Variants in MYO18A observed in about 807,000 individuals in gnomAD.
The protein encoded by MYO18A is myosin XVIIIA, also known as unconventional myosin-XVIIIa.
In MYO18A, 78 loss-of-function variants were observed where a neutral mutation model predicts 235.8. That is an observed-to-expected ratio of 0.33 (90% CI 0.28 to 0.40). The LOEUF (loss-of-function observed/expected upper bound fraction) is 0.40, where lower values mean the gene tolerates loss of function less well. Among genes scored for constraint, MYO18A ranks in the 10% least tolerant of loss-of-function variants. The pLI is 1.00. For missense variants in MYO18A, 2,215 were observed against 2,699.3 expected, an observed-to-expected ratio of 0.82 and a Z score of 3.98; for synonymous variants, 977 against 1,077.8, an observed-to-expected ratio of 0.91 and a Z score of 1.83.
At chr17:29,100,720 G>A (rs1188995348) in intron 21 of MYO18A, among the ~76,000 whole-genome samples, 1 of 152,224 alleles carries the variant, frequency 6.6e-6, no homozygotes, top group Non-Finnish European at 1.5e-5. Flanking sequence ...ATTCCTTTTT[G>A]TAGGGCAAAG....
At chr17:29,144,596 T>C (rs1383149877) in intron 2 of MYO18A, among the ~76,000 whole-genome samples, 6 of 152,246 alleles carry the variant, frequency 3.9e-5, no homozygotes, top group Non-Finnish European at 8.8e-5. Flanking sequence ...GGCCTTAAAA[T>C]AGTATGATAT....
Position 29,118,102 on chromosome 17 carries a change from C to A in MYO18A, c.1981G>T (p.Ala661Ser), listed in dbSNP as rs761503143. Residue 661 changes from alanine (A) to serine (S), a missense_variant, in exon 10 of 42, where the codon GCC becomes TCC. By Grantham distance (99) the Ala-to-Ser change is moderately conservative (BLOSUM62 1). Coordinates refer to ENST00000527372, the MANE Select transcript of MYO18A (RefSeq NM_078471.4). This position sits in a 1 kb window ranked among gnomAD's most constrained non-coding sequence, Gnocchi z 4.2. ...ATGGCAGCCAGAATGAACCAGCAGG[C>A]CTTCTGTTCATCGGGGGAGATGCCC... ...VLGISPDEQK[A>S]CWFILAAIYH... The A allele has an allele frequency of 1.9e-6, 3 of 1,594,570 alleles. No homozygotes were observed. Among genetic ancestry groups the A allele is most frequent in the South Asian group, 2.3e-5 (2 of 87,794 alleles).
At chr17:29,107,869 T>A (rs570674967) in intron 19 of MYO18A, among the ~76,000 whole-genome samples, 297 of 138,228 alleles carry the variant, frequency 2.1e-3, no homozygotes, top group Non-Finnish European at 2.0e-3. Context: ...TGAGCCAAGA[T>A]CACACCACTG....
intron 20 of MYO18A, among the ~76,000 whole-genome samples, chr17:29,104,144 A>G (rs2066723264): frequency 6.6e-6 from 1 of 152,176 alleles, no homozygotes; most frequent in Non-Finnish European, 1.5e-5. Flanking sequence ...AAGCATGTGG[A>G]GCCCCATGTG....
chr17:29,078,972 G>A (rs1007634642), intron 41 of MYO18A: 1 of 152,468 alleles, frequency 6.6e-6, no homozygotes, highest in African/African-American at 2.4e-5. Context: ...TGGGTCTGCT[G>A]TAGGGTGTGG....
At chr17:29,178,227 G>T (rs558899864) in intron 1 of MYO18A, among the ~76,000 whole-genome samples, 2 of 152,274 alleles carry the variant, frequency 1.3e-5, no homozygotes, top group South Asian at 2.1e-4. Context: ...CCCACATGAG[G>T]AAAGTCTGGG....
intron 2 of MYO18A, among the ~76,000 whole-genome samples, chr17:29,151,478 G>A (rs2067962791): frequency 6.6e-6 from 1 of 152,078 alleles, no homozygotes; most frequent in Non-Finnish European, 1.5e-5. Flanking sequence ...TCACCCCAGA[G>A]TCTGCTTAGA....
At chr17:29,171,687 G>A (rs2068407542) in intron 1 of MYO18A, among the ~76,000 whole-genome samples, 1 of 147,606 alleles carries the variant, frequency 6.8e-6, no homozygotes, top group Admixed American at 6.8e-5. Context: ...TTGAGCTCAG[G>A]AGTCGGAGAC....
In MYO18A at chr17:29,073,108, A is replaced by AG. The variant is rs1362711477; in HGVS notation, c.*1661dup. On this transcript the variant is annotated 3_prime_UTR_variant, in exon 42 of 42. Coordinates refer to ENST00000527372, the MANE Select transcript of MYO18A (RefSeq NM_078471.4). The stretch of plus-strand genomic sequence containing the variant: ...ATGAAAGAAAGAAAGAGAGAGAGAG[A>AG]GGGAGAGAGGGAGGGACGGAAGGAG... 1.3e-5 allele frequency: 2 copies of AG among 148,202 alleles called. No individual in the cohort carries two copies. The highest frequency in any genetic ancestry group is 1.5e-5 in the Non-Finnish European group (1 of 67,396). The allele number at this position is 148,202 out of a possible 1,614,324, so 9.2% of individuals were successfully genotyped here.
chr17:29,167,620 T>A (rs1287113569), intron 1 of MYO18A, among the ~76,000 whole-genome samples: 1 of 151,666 alleles, frequency 6.6e-6, no homozygotes, highest in East Asian at 1.9e-4. Context: ...ATTTGAGGAT[T>A]GCTTGAGCCC....
chr17:29,133,481 A>T (rs2067522767), intron 2 of MYO18A, among the ~76,000 whole-genome samples: 1 of 152,150 alleles, frequency 6.6e-6, no homozygotes, highest in Non-Finnish European at 1.5e-5. Flanking sequence ...CCCACGTTCC[A>T]GGGGTGAGTC....
chr17:29,114,901 A>C lies in MYO18A; in HGVS notation c.2511+6T>G, dbSNP rs776362117. The C allele has an allele frequency of 2.2e-5, 35 of 1,610,998 alleles. No individual in the cohort carries two copies. The highest frequency in any genetic ancestry group is 2.9e-5 in the Non-Finnish European group (34 of 1,178,106). On this transcript the variant is annotated splice_donor_region_variant and intron_variant, in intron 14 of 41. Coordinates refer to ENST00000527372, the MANE Select transcript of MYO18A (RefSeq NM_078471.4). ...AGGCTAGATGAGGCCCAGGCCCCAG[A>C]GCTACCTCCTTGTATCTTTCCAACT...
intron 2 of MYO18A, among the ~76,000 whole-genome samples, chr17:29,160,087 T>C (rs1016240284): frequency 5.9e-5 from 9 of 152,206 alleles, no homozygotes; most frequent in Non-Finnish European, 1.2e-4. Context: ...AGGGTGGCTT[T>C]AGAGACTGGG....
chr17:29,099,004 T>C, intron 22 of MYO18A, 35 bp from the exon 23 acceptor site: 2 of 1,609,956 alleles, frequency 1.2e-6, no homozygotes, highest in Non-Finnish European at 1.7e-6. Flanking sequence ...ACAGCGGGGC[T>C]CTCAGTCACC....
chr17:29,096,100 C>T (rs1375652114), intron 28 of MYO18A, among the ~76,000 whole-genome samples: 1 of 152,188 alleles, frequency 6.6e-6, no homozygotes, highest in Non-Finnish European at 1.5e-5. Context: ...CATCCTCACT[C>T]CCAGTGTTGT....
At chr17:29,154,552 C>G (rs1050931154) in intron 2 of MYO18A, among the ~76,000 whole-genome samples, 2 of 152,206 alleles carry the variant, frequency 1.3e-5, no homozygotes, top group African/African-American at 4.8e-5. Context: ...CCACAGCAGT[C>G]CCCCCAGGCT....
At chr17:29,090,238 C>G in intron 36 of MYO18A, 140 bp from the exon 37 acceptor site, 1 of 1,022,566 alleles carries the variant, frequency 9.8e-7, no homozygotes, top group Non-Finnish European at 1.4e-6. Flanking sequence ...GAATGGAGCC[C>G]TGGGCCAGAG....
intron 2 of MYO18A, chr17:29,129,237 G>T (rs11080078): frequency 8.0e-6 from 3 of 372,990 alleles, no homozygotes. Flanking sequence ...CAAGCACTGA[G>T]GAGCCCAGCA....
chr17:29,116,713 G>A (rs1198472237), intron 10 of MYO18A, among the ~76,000 whole-genome samples: 2 of 60,940 alleles, frequency 3.3e-5, no homozygotes, highest in Admixed American at 2.6e-4. Context: ...GTGTGTGTGC[G>A]CAAACACACC....
Sources: allele counts gnomAD v4.1 joint callset (sites outside exome capture counted in the v4.1 genomes callset), GRCh38; gene constraint gnomAD v4.1.1; non-coding constraint Gnocchi (gnomAD v3.1); transcripts MANE v1.5; gene names NCBI Gene and HGNC (gene_info 2026-07-23, HGNC 2026-07-21).